The following LSAMP variants were observed in gnomAD, a reference collection of about 807,000 sequenced individuals.
LSAMP encodes limbic system-associated membrane protein.
In LSAMP, 7 loss-of-function variants were observed where a neutral mutation model predicts 38.6. The ratio of observed to expected loss-of-function variants is 0.18; its 90% CI spans 0.10 to 0.34. LSAMP has a LOEUF of 0.34. Ranked by LOEUF, LSAMP falls within the 10% of genes least tolerant of loss-of-function variation. The probability of loss-of-function intolerance (pLI) is 1.00; values close to 1 mark genes in which losing one functional copy is unlikely to be tolerated. For synonymous variants in LSAMP, 154 were observed against 166.8 expected (o/e 0.92, Z 0.59); for missense variants, 313 against 420.0 (o/e 0.75, Z 2.23).
chr3:115,847,236 C>T (rs966817522), intron 4 of LSAMP, among the ~76,000 whole-genome samples: 29 of 152,160 alleles, frequency 1.9e-4, no homozygotes, highest in African/African-American at 4.1e-4. Flanking sequence ...GTCCTCTCTA[C>T]GTGGGGATGA....
chr3:116,314,515 T>A (rs1035118568), intron 1 of LSAMP, among the ~76,000 whole-genome samples: 1 of 152,176 alleles, frequency 6.6e-6, no homozygotes, highest in African/African-American at 2.4e-5. Context: ...AGAATTTACT[T>A]AGCATCCCCC....
chr3:116,294,160 C>T (rs1248206843), intron 1 of LSAMP, among the ~76,000 whole-genome samples: 1 of 152,124 alleles, frequency 6.6e-6, no homozygotes, highest in African/African-American at 2.4e-5. Flanking sequence ...AAGCCAGACC[C>T]ATAGGTAGCT....
At chr3:115,960,907 C>G (rs970546122) in intron 3 of LSAMP, among the ~76,000 whole-genome samples, 2 of 152,202 alleles carry the variant, frequency 1.3e-5, no homozygotes, top group African/African-American at 4.8e-5. Flanking sequence ...AAAGCTCCCC[C>G]ATTAGCTGTC....
chr3:116,375,484 T>C (rs2048483744), intron 1 of LSAMP, among the ~76,000 whole-genome samples: 1 of 151,956 alleles, frequency 6.6e-6, no homozygotes, highest in Non-Finnish European at 1.5e-5. Context: ...TATCACCTAA[T>C]GCTAAACACC....
intron 1 of LSAMP, among the ~76,000 whole-genome samples, chr3:116,274,433 T>C (rs901584005): frequency 2.0e-5 from 3 of 152,200 alleles, no homozygotes; most frequent in Non-Finnish European, 4.4e-5. Flanking sequence ...CGAATACCAC[T>C]GTATTATTTA....
chr3:116,218,839 A>T (rs987106588), intron 1 of LSAMP, among the ~76,000 whole-genome samples: 11 of 152,166 alleles, frequency 7.2e-5, no homozygotes, highest in Non-Finnish European at 2.9e-5. Context: ...CCATGAAATC[A>T]GTCCTTAGCT....
At chr3:116,129,792 C>T (rs749076348) in intron 1 of LSAMP, among the ~76,000 whole-genome samples, 2 of 152,144 alleles carry the variant, frequency 1.3e-5, no homozygotes, top group East Asian at 1.9e-4. Context: ...TGGTTCTGCC[C>T]GAATGGCCTT....
chr3:116,346,182 A>G (rs1359642209), intron 1 of LSAMP, among the ~76,000 whole-genome samples: 2 of 152,096 alleles, frequency 1.3e-5, no homozygotes, highest in Non-Finnish European at 2.9e-5. Context: ...CCATATCTCC[A>G]TTTCAAGAAG....
At chr3:116,411,631 TGG>T (rs999115175) in intron 1 of LSAMP, among the ~76,000 whole-genome samples, 3 of 48,116 alleles carry the variant, frequency 6.2e-5, no homozygotes, top group Admixed American at 6.9e-4. Flanking sequence ...TGTTGTGGGG[TGG>T]GGGGAGGGGG....
At chr3:116,059,612 G>C (rs1163050707) in intron 2 of LSAMP, among the ~76,000 whole-genome samples, 1 of 152,160 alleles carries the variant, frequency 6.6e-6, no homozygotes, top group Non-Finnish European at 1.5e-5. Context: ...TTTTTCAGCA[G>C]GTAGAGCTAG....
At chr3:116,091,031 G>A (rs1225064981) in intron 1 of LSAMP, among the ~76,000 whole-genome samples, 2 of 152,142 alleles carry the variant, frequency 1.3e-5, no homozygotes, top group Non-Finnish European at 2.9e-5. Context: ...GCCTGGGAGC[G>A]CTATGGGAGA....
At chr3:116,435,567 G>A (rs1449319065) in intron 1 of LSAMP, among the ~76,000 whole-genome samples, 1 of 152,096 alleles carries the variant, frequency 6.6e-6, no homozygotes, top group African/African-American at 2.4e-5. Flanking sequence ...TGCCACACCA[G>A]AAACCACTAG....
chr3:116,160,479 G>GAGGAGAGGAAAAGAGAAGAGAAA (rs1488622644), intron 1 of LSAMP, among the ~76,000 whole-genome samples: 1 of 151,032 alleles, frequency 6.6e-6, no homozygotes, highest in African/African-American at 2.4e-5. Flanking sequence ...GAAAAGAGGA[G>GAGGAGAGGAAAAGAGAAGAGAAA]AGGAGAGGAA....
At chr3:115,841,016 C>T (rs1576134239) in intron 6 of LSAMP, among the ~76,000 whole-genome samples, 2 of 152,172 alleles carry the variant, frequency 1.3e-5, no homozygotes, top group East Asian at 3.9e-4. Flanking sequence ...ATTTAGCATC[C>T]TTCTGTTTCT....
intron 1 of LSAMP, among the ~76,000 whole-genome samples, chr3:116,154,283 G>T (rs1709689649): frequency 6.6e-6 from 1 of 152,090 alleles, no homozygotes; most frequent in South Asian, 2.1e-4. Context: ...TGCTCATTAT[G>T]CTACTTGGTA....
chr3:116,433,121 A>G (rs970942810), intron 1 of LSAMP, among the ~76,000 whole-genome samples: 1 of 152,152 alleles, frequency 6.6e-6, no homozygotes, highest in Non-Finnish European at 1.5e-5. Context: ...AGGTGTGTGT[A>G]ATGACACAAA....
At chr3:115,863,907 A>C (rs796417989) in intron 3 of LSAMP, among the ~76,000 whole-genome samples, 2 of 152,284 alleles carry the variant, frequency 1.3e-5, no homozygotes, top group African/African-American at 4.8e-5. Flanking sequence ...ATGATTAGGA[A>C]AATTAGACAC....
intron 2 of LSAMP, among the ~76,000 whole-genome samples, chr3:116,063,770 TAA>T: frequency 6.6e-6 from 1 of 152,220 alleles, no homozygotes; most frequent in Admixed American, 6.5e-5. Context: ...AAATAAAGAT[TAA>T]GTTTAGTATA....
intron 1 of LSAMP, among the ~76,000 whole-genome samples, chr3:116,285,543 T>TC (rs2047184903): frequency 6.6e-6 from 1 of 152,064 alleles, no homozygotes; most frequent in African/African-American, 2.4e-5. Flanking sequence ...ATGTGTATTT[T>TC]TTTTTTTAAA....
Sources: allele counts gnomAD v4.1 joint callset (sites outside exome capture counted in the v4.1 genomes callset), GRCh38; gene constraint gnomAD v4.1.1; transcripts MANE v1.5; gene names NCBI Gene and HGNC (gene_info 2026-07-23, HGNC 2026-07-21).